DCDC1: variants seen among roughly 807,000 people sequenced by gnomAD.
DCDC1 encodes the protein doublecortin domain-containing protein 1.
A neutral mutation model predicts 178.3 loss-of-function variants in DCDC1; 200 were observed. That is an observed-to-expected ratio of 1.12 (90% CI 1.00 to 1.26). The LOEUF is 1.26. Among genes scored for constraint, DCDC1 ranks in the 50% most tolerant of loss-of-function variants. The pLI, the probability that DCDC1 is intolerant of heterozygous loss-of-function variation, is 0.00. For missense variants in DCDC1, 1,983 were observed against 1,749.2 expected (o/e 1.13, Z -2.38); for synonymous variants, 690 against 604.8 (o/e 1.14, Z -2.07).
intron 7 of DCDC1, among the ~76,000 whole-genome samples, chr11:31,288,267 C>A (rs1207123923): frequency 1.3e-5 from 2 of 151,748 alleles, no homozygotes; most frequent in African/African-American, 4.8e-5. Context: ...CTTTTTCAAA[C>A]CATGGATGTG....
intron 20 of DCDC1, among the ~76,000 whole-genome samples, chr11:30,977,937 A>G (rs1396252683): frequency 6.6e-6 from 1 of 152,214 alleles, no homozygotes; most frequent in Admixed American, 6.5e-5. Flanking sequence ...TTCCTAAAAA[A>G]ACCAAACAGT....
intron 20 of DCDC1, among the ~76,000 whole-genome samples, chr11:31,017,811 T>C (rs1439890589): frequency 9.9e-5 from 15 of 152,188 alleles, no homozygotes; most frequent in Non-Finnish European, 2.2e-4. Flanking sequence ...CAGGCTGGTA[T>C]TGAACTTGTG....
intron 38 of DCDC1, among the ~76,000 whole-genome samples, chr11:30,873,676 TC>T (rs760880526): frequency 6.6e-6 from 1 of 152,136 alleles, no homozygotes; most frequent in Non-Finnish European, 1.5e-5. Context: ...AAAGAGATGT[TC>T]AAGTAGCTCC....
intron 10 of DCDC1, among the ~76,000 whole-genome samples, chr11:31,129,608 G>A (rs72882692): frequency 2.6e-5 from 4 of 151,854 alleles, no homozygotes; most frequent in Non-Finnish European, 5.9e-5. Context: ...TTGTCCCCAG[G>A]GCTATATTTT....
chr11:30,984,836 T>C (rs899945019), intron 20 of DCDC1, among the ~76,000 whole-genome samples: 1 of 152,186 alleles, frequency 6.6e-6, no homozygotes, highest in African/African-American at 2.4e-5. Flanking sequence ...CCACATGTGC[T>C]GATACATTTG....
At chr11:30,967,076 G>A (rs1949476097) in intron 20 of DCDC1, among the ~76,000 whole-genome samples, 1 of 27,596 alleles carries the variant, frequency 3.6e-5, no homozygotes, top group South Asian at 1.2e-3. Context: ...GGATTGACTT[G>A]GCGATGCGGG....
rs3059725 is a variant in DCDC1, at chr11:31,341,424, T to TAGATAGACAGAC, written c.-124-5861_-124-5860insGTCTGTCTATCT. On this transcript the variant is annotated intron_variant, in intron 1 of 38. Transcript: ENST00000684477. Reference sequence around the variant, plus strand: ...ATAGATAGATAGATAGATAGATAGATAGATAGATAGATAGACATGTGTTGC... The same window carrying TAGATAGACAGAC: ...ATAGATAGATAGATAGATAGATAGATAGATAGACAGACAGATAGATAGATAGACATGTGTTGC... Among the ~76,000 whole-genome samples, 56 of 150,454 alleles carry TAGATAGACAGAC rather than the reference T, an allele frequency of 3.7e-4. 1 individual carries two copies. The highest frequency in any genetic ancestry group is 1.3e-3 in the African/African-American group (53 of 40,772).
intron 9 of DCDC1, among the ~76,000 whole-genome samples, chr11:31,147,192 AT>A (rs1339873612): frequency 1.3e-5 from 2 of 152,110 alleles, no homozygotes; most frequent in Non-Finnish European, 1.5e-5. Flanking sequence ...AGGGGCTGAA[AT>A]TTTATTTTAT....
chr11:31,363,447 G>A (rs1025726037), intron 1 of DCDC1, among the ~76,000 whole-genome samples: 1 of 152,126 alleles, frequency 6.6e-6, no homozygotes, highest in Non-Finnish European at 1.5e-5. Context: ...GATGAATTAA[G>A]TCATGAATTT....
chr11:31,263,009 C>T, intron 8 of DCDC1: 1 of 1,605,014 alleles, frequency 6.2e-7, no homozygotes, highest in Non-Finnish European at 8.5e-7. Context: ...ATACGTGAAG[C>T]ACGAGTCATG....
chr11:31,203,253 G>T (rs899957978), intron 9 of DCDC1, among the ~76,000 whole-genome samples: 1 of 152,092 alleles, frequency 6.6e-6, no homozygotes, highest in Non-Finnish European at 1.5e-5. Flanking sequence ...TATTCATAAA[G>T]AACAAAAATA....
At chr11:31,369,072 C>T (rs902193965) in intron 1 of DCDC1, among the ~76,000 whole-genome samples, 26 of 152,156 alleles carry the variant, frequency 1.7e-4, no homozygotes, top group South Asian at 6.2e-4. Flanking sequence ...TGAAAGATAG[C>T]ATAGCTGCCC....
intron 36 of DCDC1, among the ~76,000 whole-genome samples, chr11:30,888,102 G>GAAAGAAAGAAAGAAAGAAAGAA (rs1565029742): frequency 0.015 from 732 of 47,282 alleles, 4 homozygotes; most frequent in Middle Eastern, 0.064. Flanking sequence ...GAAAGAAAAA[G>GAAAGAAAGAAAGAAAGAAAGAA]AAAGAAAGAA....
intron 21 of DCDC1, chr11:30,943,797 A>C: frequency 3.1e-6 from 1 of 326,952 alleles, no homozygotes; most frequent in Non-Finnish European, 6.0e-6. Flanking sequence ...AAATATTATC[A>C]ATTGCCTTTT....
chr11:31,058,713 T>C (rs1955741478), intron 20 of DCDC1, among the ~76,000 whole-genome samples: 1 of 152,080 alleles, frequency 6.6e-6, no homozygotes, highest in Non-Finnish European at 1.5e-5. Flanking sequence ...GAATTATGAA[T>C]ATAAAAGGAT....
At chr11:31,149,980 C>T (rs554849417) in intron 9 of DCDC1, among the ~76,000 whole-genome samples, 3 of 152,322 alleles carry the variant, frequency 2.0e-5, no homozygotes, top group African/African-American at 7.2e-5. Context: ...GGTTGTTCTA[C>T]TTTTAGTTCT....
rs1962357388 is a variant in DCDC1 at position 31,130,953 on chromosome 11, C to T, written c.1315-3314G>A. Among the ~76,000 whole-genome samples, 2 of 27,102 alleles carry T rather than the reference C, an allele frequency of 7.4e-5. 1 individual carries two copies. The highest frequency in any genetic ancestry group is 1.9e-4 in the Non-Finnish European group (2 of 10,610). 17.8% of individuals were successfully genotyped at this position (27,102 alleles called of 152,430 possible). On this transcript the variant is annotated intron_variant, in intron 10 of 38. Coordinates refer to ENST00000684477, the MANE Select transcript of DCDC1 (RefSeq NM_001387274.1). ...ATCCCAGCACTTTGGGAGGCCGAGG[C>T]GGGTGGATCATGAGGTCAGGAGATC...
chr11:31,303,442 T>C (rs976120012), intron 6 of DCDC1, among the ~76,000 whole-genome samples: 5 of 152,176 alleles, frequency 3.3e-5, no homozygotes, highest in Non-Finnish European at 5.9e-5. Flanking sequence ...ACTTTCAAAG[T>C]TATTCACACG....
chr11:30,965,739 T>C (rs1438887296), intron 20 of DCDC1, among the ~76,000 whole-genome samples: 1 of 141,220 alleles, frequency 7.1e-6, no homozygotes, highest in Non-Finnish European at 1.5e-5. Flanking sequence ...CTCCCAATGC[T>C]ATCCCTTCCC....
Sources: gnomAD v4.1 joint callset for allele counts (sites outside exome capture counted in the v4.1 genomes callset) on GRCh38, gnomAD v4.1.1 for gene constraint, MANE v1.5 for transcripts, NCBI Gene and HGNC (gene_info 2026-07-23, HGNC 2026-07-21) for gene names.